Variants in PTPRD observed in about 807,000 individuals in gnomAD.
PTPRD encodes receptor-type tyrosine-protein phosphatase delta.
Under a neutral mutation model 214.5 loss-of-function variants are expected in PTPRD, and 34 were observed. The observed-to-expected ratio is 0.16, with a 90% CI of 0.12 to 0.21. PTPRD has a LOEUF of 0.21. PTPRD is among the 10% of genes least tolerant of loss of function. The pLI is 1.00. For missense variants in PTPRD, 2,545 were observed against 2,398.7 expected (o/e 1.06, Z -1.27); for synonymous variants, 1,128 against 845.7 (o/e 1.33, Z -5.79).
Position 9,728,279 on chromosome 9 carries a change from A to T in PTPRD, c.-287+6254T>A, listed in dbSNP as rs150048560. On this transcript the variant is annotated intron_variant, in intron 7 of 45. Transcript: ENST00000381196. ...GTGAAAACAAACTAATACATGTCCC[A>T]TGAATATTTTAGAGGCTATTAGTGA... Among the ~76,000 whole-genome samples, 368 of 152,300 alleles carry T rather than the reference A, an allele frequency of 2.4e-3. 1 individual carries two copies. The highest frequency in any genetic ancestry group is 8.3e-3 in the African/African-American group (347 of 41,582).
chr9:8,480,147 T>C (rs367713642), intron 30 of PTPRD, among the ~76,000 whole-genome samples: 1 of 152,206 alleles, frequency 6.6e-6, no homozygotes, highest in East Asian at 1.9e-4. Flanking sequence ...GAATATATAT[T>C]TGTTGGATGC....
At chr9:8,505,658 GAAGAAA>G (rs1402903167) in intron 22 of PTPRD, among the ~76,000 whole-genome samples, 1 of 143,008 alleles carries the variant, frequency 7.0e-6, no homozygotes, top group Non-Finnish European at 1.5e-5. Context: ...AGAAGAAGAA[GAAGAAA>G]AATTCAAATA....
chr9:10,198,224 C>T (rs2099405565), intron 3 of PTPRD, among the ~76,000 whole-genome samples: 1 of 151,970 alleles, frequency 6.6e-6, no homozygotes, highest in Admixed American at 6.6e-5. Context: ...GAAGAACTAA[C>T]AACAAGAATG....
chr9:8,767,814 T>C (rs1339415421), intron 11 of PTPRD, among the ~76,000 whole-genome samples: 3 of 152,136 alleles, frequency 2.0e-5, no homozygotes, highest in African/African-American at 2.4e-5. Context: ...TTCCAATGTA[T>C]AACTTAAGTT....
rs556077154 is a variant in PTPRD at position 10,321,987 on chromosome 9, G to A, written c.-545+18976C>T. 5.9e-5 allele frequency among the ~76,000 whole-genome samples: 9 copies of A among 152,076 alleles called. No homozygotes were observed. The South Asian group carries it at 1.7e-3, about 28-fold the overall frequency. On this transcript the variant is annotated intron_variant, in intron 3 of 45. Transcript: ENST00000381196. ...ATGTAACTGAAATCTTAAATATAAT[G>A]GCAGAAATGGTAGTATGGTGAAGAG...
At position 8,428,748 on chromosome 9, in the gene PTPRD, A is replaced by T. The variant is rs1282670884; in HGVS notation, c.4086+7844T>A. On this transcript the variant is annotated intron_variant, in intron 35 of 45. Coordinates refer to ENST00000381196, the MANE Select transcript of PTPRD (RefSeq NM_002839.4). Reference sequence around the variant, plus strand: ...GATTCTTGAATACATGTCCCCCCTCATGAGCTTACACATAAATTATAAACT... The same window carrying T: ...GATTCTTGAATACATGTCCCCCCTCTTGAGCTTACACATAAATTATAAACT... 2.6e-5 allele frequency among the ~76,000 whole-genome samples: 4 copies of T among 152,126 alleles called. No individual in the cohort carries two copies. The East Asian group carries it at 7.7e-4, about 29-fold the overall frequency.
At chr9:9,598,609 T>C (rs879773561) in intron 7 of PTPRD, among the ~76,000 whole-genome samples, 2 of 152,238 alleles carry the variant, frequency 1.3e-5, no homozygotes, top group Admixed American at 6.6e-5. Flanking sequence ...TTATAGACCT[T>C]TTAAAACTTC....
At chr9:9,612,801 T>C (rs78885968) in intron 7 of PTPRD, among the ~76,000 whole-genome samples, 3,698 of 152,212 alleles carry the variant, frequency 0.024, 174 homozygotes, top group African/African-American at 0.085. Flanking sequence ...AGAAACACTT[T>C]GCTGTCAAGG....
intron 11 of PTPRD, among the ~76,000 whole-genome samples, chr9:8,819,683 C>T (rs2097004822): frequency 6.6e-6 from 1 of 152,056 alleles, no homozygotes. Context: ...CTTTGTGAAA[C>T]TTGGGGCAAT....
chr9:10,193,864 T>A (rs1307669446), intron 3 of PTPRD, among the ~76,000 whole-genome samples: 1 of 152,082 alleles, frequency 6.6e-6, no homozygotes, highest in Non-Finnish European at 1.5e-5. Flanking sequence ...TGCAAAATTT[T>A]AAAAATTAAA....
At chr9:10,101,901 C>T (rs1456865859) in intron 3 of PTPRD, among the ~76,000 whole-genome samples, 1 of 151,574 alleles carries the variant, frequency 6.6e-6, no homozygotes, top group Non-Finnish European at 1.5e-5. Context: ...TAAGGGACAG[C>T]ATTGGAAACA....
chr9:8,768,822 C>T (rs545928563), intron 11 of PTPRD, among the ~76,000 whole-genome samples: 15 of 152,184 alleles, frequency 9.9e-5, no homozygotes, highest in African/African-American at 3.6e-4. Context: ...AATGAAGTAA[C>T]CTAGCTCTTC....
rs144348835 is a variant in PTPRD at position 8,974,849 on chromosome 9, C to A, written c.-104+43848G>T. Among the ~76,000 whole-genome samples the A allele has an allele frequency of 4.5e-3, 682 of 152,074 alleles. 2 individuals are homozygous for A. The highest frequency in any genetic ancestry group is 7.7e-3 in the South Asian group (37 of 4,820). On this transcript the variant is annotated intron_variant, in intron 11 of 45. Coordinates refer to ENST00000381196, the MANE Select transcript of PTPRD (RefSeq NM_002839.4). ...TGGTGGCTCACACCTTTAATCCCAG[C>A]ACTTTGGGAGGCTGAGGCGGGTGGA...
rs562424296 is a variant in PTPRD at position 10,472,120 on chromosome 9, G to A, written c.-599-131103C>T. ...ATTCAACATAAATTTAAAATTATATGAAAATTTTAATTAGAATACAGTAAA... is the reference window on the plus strand; with the variant it reads ...ATTCAACATAAATTTAAAATTATATAAAAATTTTAATTAGAATACAGTAAA... On this transcript the variant is annotated intron_variant, in intron 2 of 45. Transcript: ENST00000381196. Among the ~76,000 whole-genome samples the A allele has an allele frequency of 4.6e-5, 7 of 152,142 alleles. No homozygotes were observed. The East Asian group carries it at 1.2e-3, about 25-fold the overall frequency.
At chr9:9,238,262 G>A (rs560974640) in intron 9 of PTPRD, among the ~76,000 whole-genome samples, 2 of 152,112 alleles carry the variant, frequency 1.3e-5, no homozygotes, top group African/African-American at 4.8e-5. Context: ...AATCTCTTTG[G>A]CTTTGAGGAT....
intron 3 of PTPRD, among the ~76,000 whole-genome samples, chr9:10,177,143 T>C (rs1027888538): frequency 1.2e-4 from 18 of 151,940 alleles, no homozygotes; most frequent in African/African-American, 4.1e-4. Context: ...GTGATTAATA[T>C]TCTAGAGGGG....
At chr9:10,552,478 T>C (rs2061555110) in intron 2 of PTPRD, among the ~76,000 whole-genome samples, 1 of 152,140 alleles carries the variant, frequency 6.6e-6, no homozygotes, top group Non-Finnish European at 1.5e-5. Flanking sequence ...TGTCTTTTTT[T>C]TCTACATGAT....
intron 5 of PTPRD, among the ~76,000 whole-genome samples, chr9:9,790,589 T>G (rs1174591): frequency 0.65 from 98,507 of 152,066 alleles, 32,631 homozygotes; most frequent in Middle Eastern, 0.82. Flanking sequence ...TCAATACTAG[T>G]TTAATAGGTA....
At chr9:10,218,419 A>C (rs890635240) in intron 3 of PTPRD, among the ~76,000 whole-genome samples, 2 of 152,004 alleles carry the variant, frequency 1.3e-5, no homozygotes, top group Non-Finnish European at 2.9e-5. Context: ...AAAGTGCAAT[A>C]TGTATCTTAT....
Sources: gnomAD v4.1 joint callset for allele counts (sites outside exome capture counted in the v4.1 genomes callset) on GRCh38, gnomAD v4.1.1 for gene constraint, MANE v1.5 for transcripts, NCBI Gene and HGNC (gene_info 2026-07-23, HGNC 2026-07-21) for gene names.